LRRTM4: variants seen among roughly 807,000 people sequenced by gnomAD.
LRRTM4 encodes leucine rich repeat transmembrane neuronal 4.
In LRRTM4, 25 loss-of-function variants were observed where a neutral mutation model predicts 47.6. That is an observed-to-expected ratio of 0.53 (90% CI 0.38 to 0.73). The LOEUF (loss-of-function observed/expected upper bound fraction) is 0.73. Ranked by LOEUF, LRRTM4 falls within the 30% of genes least tolerant of loss-of-function variation. The probability of loss-of-function intolerance (pLI) is 0.00; values close to 1 mark genes in which losing one functional copy is unlikely to be tolerated. For missense variants in LRRTM4, 638 were observed against 713.4 expected (o/e 0.89, Z 1.20); for synonymous variants, 311 against 269.5 (o/e 1.15, Z -1.51).
intron 3 of LRRTM4, among the ~76,000 whole-genome samples, chr2:77,460,127 A>G (rs2103970515): frequency 6.6e-6 from 1 of 152,270 alleles, no homozygotes; most frequent in African/African-American, 2.4e-5. Context: ...AAGAATGCCT[A>G]AATATCTGGA....
At chr2:77,454,236 C>T (rs1433403798) in intron 3 of LRRTM4, among the ~76,000 whole-genome samples, 1 of 152,126 alleles carries the variant, frequency 6.6e-6, no homozygotes, top group Non-Finnish European at 1.5e-5. Flanking sequence ...AAGGTAGTTT[C>T]ACTTATTCTT....
At chr2:77,099,896 T>C (rs865797734) in intron 3 of LRRTM4, among the ~76,000 whole-genome samples, 1 of 152,164 alleles carries the variant, frequency 6.6e-6, no homozygotes, top group African/African-American at 2.4e-5. Flanking sequence ...CACTTATGTA[T>C]TTTTTGTGAG....
intron 3 of LRRTM4, among the ~76,000 whole-genome samples, chr2:77,410,115 C>T (rs191818390): frequency 2.6e-5 from 4 of 152,146 alleles, no homozygotes; most frequent in Non-Finnish European, 5.9e-5. Context: ...CTACATTTAT[C>T]TGTATATTTG....
At chr2:76,873,461 CGTGT>C (rs1553423201) in intron 3 of LRRTM4, among the ~76,000 whole-genome samples, 61 of 118,098 alleles carry the variant, frequency 5.2e-4, no homozygotes, top group Admixed American at 1.6e-3. Context: ...ATATATATAA[CGTGT>C]GTGTGTGTAT....
intron 3 of LRRTM4, among the ~76,000 whole-genome samples, chr2:77,430,899 G>A (rs1463958117): frequency 6.7e-6 from 1 of 148,200 alleles, no homozygotes; most frequent in East Asian, 1.9e-4. Flanking sequence ...CAATCAGATG[G>A]GGGCCCAGAT....
At chr2:77,487,578 A>G (rs181672743) in intron 3 of LRRTM4, among the ~76,000 whole-genome samples, 2 of 152,186 alleles carry the variant, frequency 1.3e-5, no homozygotes, top group African/African-American at 4.8e-5. Context: ...GGTGCCATGG[A>G]TGGTGGGTTG....
At chr2:77,313,952 T>G (rs1677545977) in intron 3 of LRRTM4, among the ~76,000 whole-genome samples, 1 of 152,200 alleles carries the variant, frequency 6.6e-6, no homozygotes, top group African/African-American at 2.4e-5. Context: ...TATGATAAAA[T>G]GAAGACACGT....
At chr2:76,845,575 G>C (rs530079125) in intron 3 of LRRTM4, among the ~76,000 whole-genome samples, 36 of 152,266 alleles carry the variant, frequency 2.4e-4, no homozygotes, top group African/African-American at 7.2e-4. Flanking sequence ...ACCTGGTCCT[G>C]TGAGCTCCCA....
chr2:76,961,562 C>T (rs564346362), intron 3 of LRRTM4, among the ~76,000 whole-genome samples: 4 of 151,330 alleles, frequency 2.6e-5, no homozygotes, highest in Non-Finnish European at 5.9e-5. Flanking sequence ...GCATCCTGGG[C>T]AACCTAAGCA....
intron 3 of LRRTM4, among the ~76,000 whole-genome samples, chr2:77,461,971 A>G (rs1676805280): frequency 6.6e-6 from 1 of 152,128 alleles, no homozygotes; most frequent in South Asian, 2.1e-4. Context: ...TTGAGCATTT[A>G]AATAAAATGG....
intron 3 of LRRTM4, among the ~76,000 whole-genome samples, chr2:77,262,918 A>G (rs779915859): frequency 3.9e-5 from 6 of 152,110 alleles, no homozygotes; most frequent in Non-Finnish European, 7.4e-5. Context: ...CCTTTCAACC[A>G]TACTAGAGTT....
intron 3 of LRRTM4, among the ~76,000 whole-genome samples, chr2:77,281,229 G>C (rs1380782437): frequency 6.6e-6 from 1 of 151,792 alleles, no homozygotes; most frequent in East Asian, 1.9e-4. Flanking sequence ...TGTGATAATA[G>C]GTCTTGCAAA....
intron 3 of LRRTM4, among the ~76,000 whole-genome samples, chr2:76,953,860 T>C (rs1418962568): frequency 3.9e-5 from 6 of 151,906 alleles, no homozygotes; most frequent in Admixed American, 3.9e-4. Context: ...ATTTGTATGC[T>C]TGAAGGTTAC....
chr2:76,898,259 A>T (rs964780929), intron 3 of LRRTM4, among the ~76,000 whole-genome samples: 2 of 151,682 alleles, frequency 1.3e-5, no homozygotes, highest in Non-Finnish European at 2.9e-5. Flanking sequence ...TTAATATCTT[A>T]ACAATTAGCA....
At chr2:77,444,329 A>G (rs1675961331) in intron 3 of LRRTM4, among the ~76,000 whole-genome samples, 1 of 152,140 alleles carries the variant, frequency 6.6e-6, no homozygotes, top group African/African-American at 2.4e-5. Context: ...ACTCAACAAA[A>G]GTAACATTTA....
chr2:77,076,786 C>T (rs1358022692), intron 3 of LRRTM4, among the ~76,000 whole-genome samples: 2 of 152,042 alleles, frequency 1.3e-5, no homozygotes, highest in Admixed American at 6.5e-5. Flanking sequence ...TCCAAAGTAT[C>T]GATGAATGTC....
chr2:76,945,748 T>G (rs1186069267), intron 3 of LRRTM4, among the ~76,000 whole-genome samples: 2 of 125,320 alleles, frequency 1.6e-5, no homozygotes, highest in Admixed American at 1.6e-4. Flanking sequence ...ATTTTGAGTG[T>G]GTAGAAGTGT....
chr2:76,998,968 C>T (rs1448221185), intron 3 of LRRTM4, among the ~76,000 whole-genome samples: 1 of 150,254 alleles, frequency 6.7e-6, no homozygotes, highest in Admixed American at 6.7e-5. Flanking sequence ...CTCGCCCTAA[C>T]ATGTGTTTCT....
At chr2:77,026,167 T>G (rs1678445208) in intron 3 of LRRTM4, among the ~76,000 whole-genome samples, 1 of 152,114 alleles carries the variant, frequency 6.6e-6, no homozygotes, top group African/African-American at 2.4e-5. Flanking sequence ...TAATTAGCAT[T>G]ACAAGAAAAA....
Sources: allele counts gnomAD v4.1 joint callset (sites outside exome capture counted in the v4.1 genomes callset), GRCh38; gene constraint gnomAD v4.1.1; transcripts MANE v1.5; gene names NCBI Gene and HGNC (gene_info 2026-07-23, HGNC 2026-07-21).